Variants in ELOVL5 observed in about 807,000 individuals in gnomAD.
ELOVL5 encodes very long chain fatty acid elongase 5.
A neutral mutation model predicts 38.6 loss-of-function variants in ELOVL5; 8 were observed. The observed-to-expected ratio is 0.21, with a 90% confidence interval of 0.12 to 0.37. ELOVL5 has a LOEUF of 0.37. Ranked by LOEUF, ELOVL5 falls within the 10% of genes least tolerant of loss-of-function variation. The pLI is 1.00. For missense variants in ELOVL5, 280 were observed against 367.8 expected, an observed-to-expected ratio of 0.76 and a Z score of 1.95; for synonymous variants, 127 against 133.7, an observed-to-expected ratio of 0.95 and a Z score of 0.34.
chr6:53,305,136 G>T (rs1209700874), intron 1 of ELOVL5, among the ~76,000 whole-genome samples: 22 of 149,778 alleles, frequency 1.5e-4, no homozygotes, highest in Non-Finnish European at 2.8e-4. Context: ...CAGACGGGGC[G>T]GCTCGCCGGG....
intron 1 of ELOVL5, among the ~76,000 whole-genome samples, chr6:53,298,903 G>A (rs996329320): frequency 7.3e-5 from 11 of 150,032 alleles, no homozygotes; most frequent in African/African-American, 2.5e-4. Context: ...GGCAAGGCGG[G>A]GGGGGGGAGT....
intron 3 of ELOVL5, among the ~76,000 whole-genome samples, chr6:53,276,604 C>A (rs1325770724): frequency 2.0e-5 from 3 of 152,090 alleles, no homozygotes; most frequent in Non-Finnish European, 4.4e-5. Context: ...CCCACAGAAG[C>A]CTCTGGCTGC....
intron 1 of ELOVL5, among the ~76,000 whole-genome samples, chr6:53,305,561 C>T (rs1378545096): frequency 1.3e-5 from 2 of 148,752 alleles, no homozygotes; most frequent in African/African-American, 2.5e-5. Flanking sequence ...ACCTCCCAGA[C>T]GGGGTCGCGG....
intron 5 of ELOVL5, among the ~76,000 whole-genome samples, chr6:53,273,766 G>C (rs1039784339): frequency 4.6e-5 from 7 of 152,224 alleles, no homozygotes; most frequent in African/African-American, 1.7e-4. Flanking sequence ...TACATTTGCT[G>C]GGGTGTGGAG....
chr6:53,343,928 T>C (rs1281090917), intron 1 of ELOVL5, among the ~76,000 whole-genome samples: 1 of 152,236 alleles, frequency 6.6e-6, no homozygotes, highest in Non-Finnish European at 1.5e-5. Flanking sequence ...CTGCACCACC[T>C]TTGGTAACAT....
intron 1 of ELOVL5, among the ~76,000 whole-genome samples, chr6:53,324,673 A>C (rs1250438808): frequency 4.0e-4 from 15 of 37,696 alleles, no homozygotes; most frequent in African/African-American, 9.4e-4. Context: ...AGATCCTGTC[A>C]AAAAAAAAAA....
chr6:53,333,888 A>T (rs558632636), intron 1 of ELOVL5, among the ~76,000 whole-genome samples: 15 of 63,816 alleles, frequency 2.4e-4, no homozygotes, highest in Admixed American at 7.8e-4. Flanking sequence ...TCCACGGTGA[A>T]ACAACATTAG....
intron 3 of ELOVL5, among the ~76,000 whole-genome samples, chr6:53,285,099 G>GA (rs1766510885): frequency 6.6e-6 from 1 of 152,166 alleles, no homozygotes; most frequent in South Asian, 2.1e-4. Context: ...TCAAAAGCTA[G>GA]AAATGATTAA....
chr6:53,302,113 C>T (rs923781417), intron 1 of ELOVL5, among the ~76,000 whole-genome samples: 6 of 152,138 alleles, frequency 3.9e-5, no homozygotes, highest in African/African-American at 1.4e-4. Context: ...CTACCATAGC[C>T]TGGAATACAA....
At chr6:53,339,209 T>C (rs1472509533) in intron 1 of ELOVL5, among the ~76,000 whole-genome samples, 1 of 152,216 alleles carries the variant, frequency 6.6e-6, no homozygotes, top group Non-Finnish European at 1.5e-5. Context: ...CTCTATAGCA[T>C]GTCTCTGAAA....
rs572151180 is a variant in ELOVL5 at position 53,328,277 on chromosome 6, T to C, written c.-9+20540A>G. On this transcript the variant is annotated intron_variant, in intron 1 of 7. Coordinates refer to ENST00000304434, the MANE Select transcript of ELOVL5 (RefSeq NM_021814.5). Reference sequence around the variant, plus strand: ...CAAATGCTCAAAAACTAGTAGTAGTTAGTGACTACTATATTAGATAGTGCA... The same window carrying C: ...CAAATGCTCAAAAACTAGTAGTAGTCAGTGACTACTATATTAGATAGTGCA... Among the ~76,000 whole-genome samples, 23 of 152,306 alleles carry C rather than the reference T, an allele frequency of 1.5e-4. No individual in the cohort carries two copies. In the South Asian group the frequency reaches 4.8e-3, roughly 32 times the overall value.
chr6:53,270,315 T>G (rs1467096161), intron 7 of ELOVL5, among the ~76,000 whole-genome samples: 5 of 152,214 alleles, frequency 3.3e-5, no homozygotes, highest in African/African-American at 4.8e-5. Flanking sequence ...ACGTCTCTGC[T>G]GCAGGTCAGA....
intron 3 of ELOVL5, among the ~76,000 whole-genome samples, chr6:53,291,517 T>C (rs1766773470): frequency 6.6e-6 from 1 of 152,220 alleles, no homozygotes; most frequent in South Asian, 2.1e-4. Context: ...TACTTTAATT[T>C]TGAATATCAT....
intron 1 of ELOVL5, among the ~76,000 whole-genome samples, chr6:53,324,161 G>A (rs1298418304): frequency 6.6e-6 from 1 of 150,762 alleles, no homozygotes; most frequent in Non-Finnish European, 1.5e-5. Flanking sequence ...GCTGAAGCAG[G>A]AGAAGTGCTT....
intron 1 of ELOVL5, among the ~76,000 whole-genome samples, chr6:53,342,577 C>G (rs562112372): frequency 6.6e-6 from 1 of 152,154 alleles, no homozygotes; most frequent in African/African-American, 2.4e-5. Context: ...AGAGATGGAA[C>G]CTGTGCTCGC....
intron 6 of ELOVL5, 82 bp downstream of exon 6, chr6:53,273,138 T>C (rs1765985359): frequency 7.0e-7 from 1 of 1,438,616 alleles, no homozygotes; most frequent in Non-Finnish European, 9.6e-7. Flanking sequence ...GCATCTTAGA[T>C]GCTATTACAT....
chr6:53,323,511 A>G (rs1188201581), intron 1 of ELOVL5, among the ~76,000 whole-genome samples: 2 of 152,138 alleles, frequency 1.3e-5, no homozygotes, highest in Non-Finnish European at 2.9e-5. Context: ...AGCTATGACT[A>G]AAAAAGTCTC....
intron 1 of ELOVL5, among the ~76,000 whole-genome samples, chr6:53,317,865 C>T (rs1165546152): frequency 6.7e-6 from 1 of 149,504 alleles, no homozygotes; most frequent in Non-Finnish European, 1.5e-5. Context: ...AAAATAAAAA[C>T]CTAATCCCGC....
intron 3 of ELOVL5, among the ~76,000 whole-genome samples, chr6:53,282,436 T>G (rs1476374880): frequency 1.3e-5 from 2 of 152,334 alleles, no homozygotes; most frequent in East Asian, 3.9e-4. Context: ...CTGTAGAAAG[T>G]ATTCCCTTCC....
Sources: allele counts gnomAD v4.1 joint callset (sites outside exome capture counted in the v4.1 genomes callset), GRCh38; gene constraint gnomAD v4.1.1; transcripts MANE v1.5; gene names NCBI Gene and HGNC (gene_info 2026-07-23, HGNC 2026-07-21).